Variants in CFAP77 observed in about 807,000 individuals in gnomAD.
The protein encoded by CFAP77 is cilia- and flagella-associated protein 77.
A neutral mutation model predicts 31.1 loss-of-function variants in CFAP77; 25 were observed. The ratio of observed to expected loss-of-function variants is 0.80; its 90% CI spans 0.59 to 1.12. CFAP77 has a LOEUF of 1.12. Among genes scored for constraint, CFAP77 ranks in the 50% most tolerant of loss-of-function variants. The probability of loss-of-function intolerance (pLI) is 0.00; values close to 1 mark genes in which losing one functional copy is unlikely to be tolerated. For synonymous variants in CFAP77, 151 were observed against 159.9 expected, an observed-to-expected ratio of 0.94 and a Z score of 0.42; for missense variants, 377 against 397.3, an observed-to-expected ratio of 0.95 and a Z score of 0.44.
intron 3 of CFAP77, among the ~76,000 whole-genome samples, chr9:132,529,799 C>T (rs1852406274): frequency 6.7e-6 from 1 of 149,958 alleles, no homozygotes; most frequent in Non-Finnish European, 1.5e-5. Flanking sequence ...GCACTCCAGC[C>T]TGGCAACAGA....
In CFAP77 at chr9:132,469,508, A is replaced by G. The variant is rs183219783; in HGVS notation, c.196-29187A>G. 1.1e-4 allele frequency among the ~76,000 whole-genome samples: 17 copies of G among 152,320 alleles called. No individual in the cohort carries two copies. In the East Asian group the frequency reaches 2.3e-3, roughly 21 times the overall value. On this transcript the variant is annotated intron_variant, in intron 1 of 5. Coordinates refer to ENST00000393216, the MANE Select transcript of CFAP77 (RefSeq NM_001282957.2). ...AGGCGCTGGCATAATGAAGGAAAAT[A>G]CCACGGCAGCTGAACAGGGGCAGAG...
intron 1 of CFAP77, among the ~76,000 whole-genome samples, chr9:132,437,388 C>T (rs530378389): frequency 2.0e-4 from 30 of 151,968 alleles, no homozygotes; most frequent in African/African-American, 7.2e-4. Flanking sequence ...TCAAACTCGA[C>T]GCAGGACGTG....
intron 3 of CFAP77, among the ~76,000 whole-genome samples, chr9:132,506,098 C>T (rs1851927115): frequency 6.6e-6 from 1 of 152,212 alleles, no homozygotes; most frequent in Non-Finnish European, 1.5e-5. Context: ...GGATTTCTAT[C>T]CAGTCTGGCA....
rs1589863238 is a variant in CFAP77, at chr9:132,459,857, T to G, written c.196-38838T>G. Among the ~76,000 whole-genome samples, 3 of 151,606 alleles carry G rather than the reference T, an allele frequency of 2.0e-5. No individual in the cohort carries two copies. The South Asian group carries it at 6.2e-4, about 32-fold the overall frequency. ...TGTGTGGGAGTATTGTGAGTCTGTG[T>G]GTGAGTGTGTGTATGTGTGAGTGTA... On this transcript the variant is annotated intron_variant, in intron 1 of 5. Coordinates refer to ENST00000393216, the MANE Select transcript of CFAP77 (RefSeq NM_001282957.2).
chr9:132,546,199 C>T (rs754985477), intron 5 of CFAP77, among the ~76,000 whole-genome samples: 125 of 152,222 alleles, frequency 8.2e-4, no homozygotes, highest in Non-Finnish European at 1.6e-3. Context: ...TCCCCTTTCT[C>T]CCCTTCCCAA....
intron 5 of CFAP77, among the ~76,000 whole-genome samples, chr9:132,568,705 G>C (rs1309354350): frequency 6.6e-6 from 1 of 152,132 alleles, no homozygotes; most frequent in African/African-American, 2.4e-5. Flanking sequence ...GGAAGCTTTG[G>C]AATAGATTTT....
chr9:132,559,346 C>CTAAAAAAAAAAAAAAAAAAA (rs1852957890), intron 5 of CFAP77, among the ~76,000 whole-genome samples: 2 of 56,084 alleles, frequency 3.6e-5, no homozygotes, highest in Non-Finnish European at 6.4e-5. Flanking sequence ...CTCTGTCTTG[C>CTAAAAAAAAAAAAAAAAAAA]AAAAAAAAAA....
chr9:132,462,430 T>C (rs1168953442), intron 1 of CFAP77, among the ~76,000 whole-genome samples: 2 of 152,330 alleles, frequency 1.3e-5, no homozygotes, highest in African/African-American at 4.8e-5. Context: ...TTAAAATGGC[T>C]GTGACTCGTT....
At chr9:132,556,091 A>G (rs1439418833) in intron 5 of CFAP77, among the ~76,000 whole-genome samples, 1 of 152,070 alleles carries the variant, frequency 6.6e-6, no homozygotes, top group Non-Finnish European at 1.5e-5. Context: ...CTTCATACTG[A>G]GACAATGTAG....
chr9:132,520,939 C>G (rs541771330), intron 3 of CFAP77, among the ~76,000 whole-genome samples: 1 of 152,354 alleles, frequency 6.6e-6, no homozygotes, highest in South Asian at 2.1e-4. Flanking sequence ...CTGGGCAGAC[C>G]CTTTCAGTAT....
chr9:132,440,983 C>G (rs1482823029), intron 1 of CFAP77, among the ~76,000 whole-genome samples: 1 of 152,172 alleles, frequency 6.6e-6, no homozygotes, highest in African/African-American at 2.4e-5. Context: ...GAGTGACAGT[C>G]TAGCCTCCTT....
chr9:132,517,569 ACAAAT>A lies in CFAP77; in HGVS notation c.524+17970_524+17974del, dbSNP rs1452379360. On this transcript the variant is annotated intron_variant, in intron 3 of 5. Transcript: ENST00000393216. The surrounding 1 kb of genome is among the most constrained non-coding windows in gnomAD (Gnocchi z 4.7). ...AGTCTCCCTTCTGAAACACCTTTCA[ACAAAT>A]GTGTACCTAAAGTCCCTCAGAAGGC... 6.6e-6 allele frequency among the ~76,000 whole-genome samples: 1 copy of A among 152,258 alleles called. No individual in the cohort carries two copies. The highest frequency in any genetic ancestry group is 6.5e-5 in the Admixed American group (1 of 15,282).
chr9:132,523,575 G>A (rs55799926), intron 3 of CFAP77, among the ~76,000 whole-genome samples: 1,625 of 152,278 alleles, frequency 0.011, 16 homozygotes, highest in Non-Finnish European at 0.018. Context: ...TTTTACAAAT[G>A]TGACCAGCTC....
chr9:132,540,878 A>C (rs1226270484), intron 4 of CFAP77, among the ~76,000 whole-genome samples: 1 of 152,156 alleles, frequency 6.6e-6, no homozygotes, highest in Non-Finnish European at 1.5e-5. Flanking sequence ...TCCCTTTTTC[A>C]GTATGCCAAG....
chr9:132,464,135 A>C (rs970849248), intron 1 of CFAP77, among the ~76,000 whole-genome samples: 1 of 152,254 alleles, frequency 6.6e-6, no homozygotes, highest in Non-Finnish European at 1.5e-5. Context: ...ATTTCCCAGC[A>C]AATGGCACCT....
intron 1 of CFAP77, chr9:132,482,540 G>GTCTAAA (rs1851467504): frequency 4.2e-6 from 3 of 710,056 alleles, no homozygotes; most frequent in Non-Finnish European, 7.3e-6. Flanking sequence ...CCATGGTCTC[G>GTCTAAA]TCTAAATGTT....
chr9:132,497,460 G>A lies in CFAP77; in HGVS notation c.196-1235G>A, dbSNP rs1851763604. ...TCGAAACCACCGCCTGTGGCCTGTG[G>A]CCTGTGGCCTGTGGACAGTGGAAGG... On this transcript the variant is annotated intron_variant, in intron 1 of 5. Coordinates refer to ENST00000393216, the MANE Select transcript of CFAP77 (RefSeq NM_001282957.2). This position sits in a 1 kb window ranked among gnomAD's most constrained non-coding sequence, Gnocchi z 4.9. Among the ~76,000 whole-genome samples the A allele has an allele frequency of 6.6e-6, 1 of 152,226 alleles. No homozygotes were observed. The highest frequency in any genetic ancestry group is 1.5e-5 in the Non-Finnish European group (1 of 68,034).
At chr9:132,538,229 C>G (rs554998956) in intron 4 of CFAP77, among the ~76,000 whole-genome samples, 3 of 152,342 alleles carry the variant, frequency 2.0e-5, no homozygotes, top group East Asian at 3.9e-4. Flanking sequence ...AAACACCTCC[C>G]GTGCATGACG....
rs186619328 is a variant in CFAP77 at position 132,424,155 on chromosome 9, C to T, written c.195+13689C>T. The stretch of plus-strand genomic sequence containing the variant: ...GGGTGTGGTGGCTCACGCCTGTAAT[C>T]GCAGCACTTTGGGAGGCAGAGGCAG... On this transcript the variant is annotated intron_variant, in intron 1 of 5. Coordinates refer to ENST00000393216, the MANE Select transcript of CFAP77 (RefSeq NM_001282957.2). This position sits in a 1 kb window ranked among gnomAD's most constrained non-coding sequence, Gnocchi z 4.1. Among the ~76,000 whole-genome samples the T allele has an allele frequency of 1.3e-5, 2 of 152,288 alleles. No individual in the cohort carries two copies. The highest frequency in any genetic ancestry group is 6.5e-5 in the Admixed American group (1 of 15,302).
Sources: allele counts gnomAD v4.1 joint callset (sites outside exome capture counted in the v4.1 genomes callset), GRCh38; gene constraint gnomAD v4.1.1; non-coding constraint Gnocchi (gnomAD v3.1); transcripts MANE v1.5; gene names NCBI Gene and HGNC (gene_info 2026-07-23, HGNC 2026-07-21).